NPAS1: variants seen among roughly 807,000 people sequenced by gnomAD.
NPAS1 encodes the protein neuronal PAS domain-containing protein 1.
In NPAS1, 29 loss-of-function variants were observed where a neutral mutation model predicts 49.2. That is an observed-to-expected ratio of 0.59 (90% confidence interval 0.44 to 0.80). NPAS1 has a LOEUF of 0.80. NPAS1 is among the 30% of genes least tolerant of loss of function. The pLI is 0.00. For synonymous variants in NPAS1, 408 were observed against 380.4 expected (o/e 1.07, Z -0.84); for missense variants, 825 against 835.5 (o/e 0.99, Z 0.15).
chr19:47,026,371 T>G (rs966841235), intron 3 of NPAS1, among the ~76,000 whole-genome samples: 5 of 151,894 alleles, frequency 3.3e-5, no homozygotes, highest in African/African-American at 9.7e-5. Context: ...GCTTGCTGGG[T>G]GCAGAGCCTC....
In NPAS1 at chr19:47,036,079, T is replaced by C. The variant is rs1568505836; in HGVS notation, c.638T>C (p.Val213Ala). Residue 213 changes from valine (V) to alanine (A), a missense_variant, in exon 6 of 12, where the codon GTC becomes GCC. Transcript: ENST00000602212. Reference sequence around the variant, plus strand: ...CCCGGCCCCCCAACCCCGCCCTCCGTCTCCTCTTCCTCCTCCTCTTCCTCT... The same window carrying C: ...CCCGGCCCCCCAACCCCGCCCTCCGCCTCCTCTTCCTCCTCCTCTTCCTCT... ...PTPGPPTPPS[V>A]SSSSSSSSSL... 6.3e-6 allele frequency: 10 copies of C among 1,591,082 alleles called. No individual in the cohort carries two copies. The highest frequency in any genetic ancestry group is 7.7e-6 in the Non-Finnish European group (9 of 1,168,996).
intron 5 of NPAS1, chr19:47,035,763 G>A (rs768583770): frequency 1.1e-4 from 63 of 554,756 alleles, no homozygotes; most frequent in Non-Finnish European, 1.7e-4. Context: ...ACTAATCACT[G>A]GGTATGAAGC....
At chr19:47,033,868 C>T (rs1956678382) in intron 5 of NPAS1, among the ~76,000 whole-genome samples, 1 of 146,562 alleles carries the variant, frequency 6.8e-6, no homozygotes, top group African/African-American at 2.5e-5. Context: ...CCCAGCTACT[C>T]AGGAGGTTGA....
At chr19:47,026,325 CAGCAGGTGCAAAGGCCCTG>C (rs2096105663) in intron 3 of NPAS1, among the ~76,000 whole-genome samples, 1 of 152,210 alleles carries the variant, frequency 6.6e-6, no homozygotes, top group Non-Finnish European at 1.5e-5. Context: ...GCAGAGGGAA[CAGCAGGTGCAAAGGCCCTG>C]AGGCAGGTGG....
chr19:47,038,967 G>A, intron 6 of NPAS1, 69 bp from the exon 7 acceptor site: 2 of 1,376,996 alleles, frequency 1.5e-6, no homozygotes, highest in Non-Finnish European at 1.0e-6. Context: ...GGCTGGCTCT[G>A]CAAGGGTCAG....
At chr19:47,033,975 T>TAAAAAAAA (rs532811476) in intron 5 of NPAS1, among the ~76,000 whole-genome samples, 9 of 100,848 alleles carry the variant, frequency 8.9e-5, no homozygotes, top group Non-Finnish European at 1.7e-4. Flanking sequence ...GGCTATGCCT[T>TAAAAAAAA]AAAAAAAAAA....
rs183406269 is a variant in NPAS1, at chr19:47,040,874, C to T, written c.1070-104C>T. On this transcript the variant is annotated intron_variant, in intron 9 of 11. Coordinates refer to ENST00000602212, the MANE Select transcript of NPAS1 (RefSeq NM_002517.4). ...CTTCTCCCCACCGTCTCCCTGCCCA[C>T]TCCCCTGCTCTCACTCCTCCTGTCT... 501 of 974,386 alleles carry T rather than the reference C, an allele frequency of 5.1e-4. 5 individuals are homozygous for T. The African/African-American group carries it at 7.5e-3, about 15-fold the overall frequency. The allele number at this position is 974,386 out of a possible 1,614,324, so 60.4% of individuals were successfully genotyped here. A position where few individuals can be genotyped will look rare whatever the true frequency, so the allele number is the denominator to read the frequency against.
Position 47,021,374 on chromosome 19 carries a change from C to T in NPAS1, c.122+205C>T, listed in dbSNP as rs904230384. ...AGTCCCGGTCCTCAGAATTCACGCC[C>T]AACATCTTTAATCTCTCGCCCTTCC... On this transcript the variant is annotated intron_variant, in intron 2 of 11. Transcript: ENST00000602212. The surrounding 1 kb of genome is among the most constrained non-coding windows in gnomAD (Gnocchi z 5.7). Among the ~76,000 whole-genome samples, 6 of 152,230 alleles carry T rather than the reference C, an allele frequency of 3.9e-5. No homozygotes were observed. Among genetic ancestry groups the T allele is most frequent in the Admixed American group, 2.6e-4 (4 of 15,280 alleles).
intron 5 of NPAS1, among the ~76,000 whole-genome samples, chr19:47,034,566 G>C (rs978648908): frequency 6.6e-6 from 1 of 152,054 alleles, no homozygotes; most frequent in Non-Finnish European, 1.5e-5. Flanking sequence ...ACAAGAGGAC[G>C]GGAGGGAGGA....
In NPAS1 at chr19:47,030,650, T is replaced by G. The variant is rs1376586770; in HGVS notation, c.359-1628T>G. Among the ~76,000 whole-genome samples, 3 of 43,204 alleles carry G rather than the reference T, an allele frequency of 6.9e-5. No individual in the cohort carries two copies. The East Asian group carries it at 1.3e-3, about 19-fold the overall frequency. 28.3% of individuals were successfully genotyped at this position (43,204 alleles called of 152,430 possible). A position where few individuals can be genotyped will look rare whatever the true frequency, so the allele number is the denominator to read the frequency against. ...TGGCCCTTTGCCTTTTTTTTTTTTT[T>G]TTTTTTTTTTTTTTTTTGTCTGAGA... On this transcript the variant is annotated intron_variant, in intron 3 of 11. Coordinates refer to ENST00000602212, the MANE Select transcript of NPAS1 (RefSeq NM_002517.4).
At chr19:47,027,093 C>T (rs899435430) in intron 3 of NPAS1, among the ~76,000 whole-genome samples, 7 of 152,170 alleles carry the variant, frequency 4.6e-5, no homozygotes, top group Non-Finnish European at 8.8e-5. Context: ...AAAGGTGACC[C>T]GGCACTGCCC....
At chr19:47,024,622 T>C (rs1407041703) in intron 3 of NPAS1, among the ~76,000 whole-genome samples, 3 of 152,158 alleles carry the variant, frequency 2.0e-5, no homozygotes, top group African/African-American at 7.2e-5. Flanking sequence ...CAGATGACCT[T>C]GCCCCAAAGG....
At chr19:47,026,224 C>T (rs1169537339) in intron 3 of NPAS1, among the ~76,000 whole-genome samples, 2 of 152,214 alleles carry the variant, frequency 1.3e-5, no homozygotes, top group Admixed American at 6.5e-5. Context: ...CAGGTGTAAG[C>T]CACTGGGCCC....
Position 47,041,114 on chromosome 19 carries a change from C to T in NPAS1, c.1206C>T (p.Ser402=), listed in dbSNP as rs201631448. Residue 402 remains serine, a synonymous_variant, in exon 10 of 12, where the codon AGC becomes AGT. Coordinates refer to ENST00000602212, the MANE Select transcript of NPAS1 (RefSeq NM_002517.4). The part of the protein sequence containing the change: ...SPGEHHVLWV[S]HVLSQAEGGQ... ...GGGAGCACCATGTGCTTTGGGTCAGCCACGTGCTCAGGTGAGGGCTGTGCC... is the reference window on the plus strand; with the variant it reads ...GGGAGCACCATGTGCTTTGGGTCAGTCACGTGCTCAGGTGAGGGCTGTGCC... 2.0e-5 allele frequency: 32 copies of T among 1,588,378 alleles called. No homozygotes were observed. The East Asian group carries it at 7.0e-4, about 35-fold the overall frequency.
At position 47,042,395 on chromosome 19, in the gene NPAS1, G is replaced by A. The variant is rs181384326; in HGVS notation, c.1218-415G>A. On this transcript the variant is annotated intron_variant, in intron 10 of 11. Coordinates refer to ENST00000602212, the MANE Select transcript of NPAS1 (RefSeq NM_002517.4). ...AGATGGGCGCTGGAGGACCAGGGCA[G>A]AGGCTGGGGCCAGTCCTGGGAAGTG... Among the ~76,000 whole-genome samples, 209 of 152,354 alleles carry A rather than the reference G, an allele frequency of 1.4e-3. 1 individual carries two copies. In the Middle Eastern group the frequency reaches 0.017, roughly 12 times the overall value.
At chr19:47,035,817 T>C in intron 5 of NPAS1, 147 bp from the exon 6 acceptor site, 2 of 763,602 alleles carry the variant, frequency 2.6e-6, no homozygotes, top group East Asian at 2.9e-5. Context: ...AGGTAATTGT[T>C]TTTTGTTTTT....
In NPAS1 at chr19:47,045,567, C is replaced by T; in HGVS notation, c.1689C>T (p.Pro563=). ...YPHLQRLGPG[P]ALPEAFYPPL... ...ACCTGCAGAGGCTGGGTCCGGGCCC[C>T]GCGCTCCCGGAGGCCTTTTACCCGC... Residue 563 remains proline, a synonymous_variant, in exon 12 of 12, where the codon CCC becomes CCT. Transcript: ENST00000602212. The T allele has an allele frequency of 6.7e-7, 1 of 1,499,818 alleles. No individual in the cohort carries two copies. The highest frequency in any genetic ancestry group is 8.8e-7 in the Non-Finnish European group (1 of 1,134,746). 92.9% of individuals were successfully genotyped at this position (1,499,818 alleles called of 1,614,324 possible). A position where few individuals can be genotyped will look rare whatever the true frequency, so the allele number is the denominator to read the frequency against.
chr19:47,021,955 T>G lies in NPAS1; in HGVS notation c.358+108T>G. On this transcript the variant is annotated intron_variant, in intron 3 of 11. Coordinates refer to ENST00000602212, the MANE Select transcript of NPAS1 (RefSeq NM_002517.4). This position sits in a 1 kb window ranked among gnomAD's most constrained non-coding sequence, Gnocchi z 5.7. The stretch of plus-strand genomic sequence containing the variant: ...CTCGCCCAGATGCTTGTCTCTGGAG[T>G]CAGCCAGGACCTTTGCGTGTCCCTA... 1.4e-6 allele frequency: 1 copy of G among 694,444 alleles called. No individual in the cohort carries two copies. The highest frequency in any genetic ancestry group is 2.2e-6 in the Non-Finnish European group (1 of 457,712). 43.0% of individuals were successfully genotyped at this position (694,444 alleles called of 1,614,324 possible). A position where few individuals can be genotyped will look rare whatever the true frequency, so the allele number is the denominator to read the frequency against.
chr19:47,039,282 G>C, intron 7 of NPAS1, 125 bp from the exon 8 acceptor site: 3 of 1,480,014 alleles, frequency 2.0e-6, no homozygotes, highest in South Asian at 2.5e-5. Context: ...AATGGGACTG[G>C]GGGGGTCACA....
Sources: gnomAD v4.1 joint callset for allele counts (sites outside exome capture counted in the v4.1 genomes callset) on GRCh38, gnomAD v4.1.1 for gene constraint, Gnocchi (gnomAD v3.1) non-coding constraint, MANE v1.5 for transcripts, NCBI Gene and HGNC (gene_info 2026-07-23, HGNC 2026-07-21) for gene names.